The following TTLL11 variants were observed in gnomAD, a reference collection of about 807,000 sequenced individuals.
TTLL11 encodes the protein tubulin tyrosine ligase like 11, also known as tubulin polyglutamylase TTLL11.
Under a neutral mutation model 51.7 loss-of-function variants are expected in TTLL11, and 42 were observed. The observed-to-expected ratio is 0.81, with a 90% CI of 0.64 to 1.05. The LOEUF (loss-of-function observed/expected upper bound fraction) is 1.05. Among genes scored for constraint, TTLL11 ranks in the 50% least tolerant of loss-of-function variants. The probability of loss-of-function intolerance (pLI) is 0.00; values close to 1 mark genes in which losing one functional copy is unlikely to be tolerated. For missense variants in TTLL11, 799 were observed against 940.4 expected (o/e 0.85, Z 1.97); for synonymous variants, 381 against 383.5 (o/e 0.99, Z 0.08).
At chr9:121,936,669 G>A (rs1042093956) in intron 6 of TTLL11, among the ~76,000 whole-genome samples, 1 of 152,112 alleles carries the variant, frequency 6.6e-6, no homozygotes, top group Non-Finnish European at 1.5e-5. Flanking sequence ...TAGAAACTTG[G>A]AATACAAAGA....
intron 6 of TTLL11, among the ~76,000 whole-genome samples, chr9:121,953,310 C>T (rs1023983933): frequency 2.0e-5 from 3 of 152,104 alleles, no homozygotes; most frequent in Non-Finnish European, 4.4e-5. Flanking sequence ...TAAGGTGGGT[C>T]AAATGCCAAT....
In TTLL11 at chr9:122,008,637, T is replaced by G. The variant is rs375505070; in HGVS notation, c.694-18867A>C. 4.4e-4 allele frequency among the ~76,000 whole-genome samples: 67 copies of G among 152,314 alleles called. No homozygotes were observed. The South Asian group carries it at 8.1e-3, about 18-fold the overall frequency. Reference sequence around the variant, plus strand: ...GGAAGGTAAATTAGTATGGCCATTATGGAAAACAAAAAAACTAAAAATAGA... The same window carrying G: ...GGAAGGTAAATTAGTATGGCCATTAGGGAAAACAAAAAAACTAAAAATAGA... On this transcript the variant is annotated intron_variant, in intron 3 of 8. Transcript: ENST00000321582.
Position 121,989,667 on chromosome 9 carries a change from C to T in TTLL11, c.797G>A (p.Ser266Asn), listed in dbSNP as rs1399029703. Residue 266 changes from serine (S) to asparagine (N), a missense_variant, in exon 4 of 9, where the codon AGT (serine) becomes AAT (asparagine). Coordinates refer to ENST00000321582, the MANE Select transcript of TTLL11 (RefSeq NM_001139442.2). This position sits in a 1 kb window ranked among gnomAD's most constrained non-coding sequence, Gnocchi z 4.2. ...GAGGGTCCCTGCCAGGCGGATGTCA[C>T]TGGGGTCTTTAATGAGGTAGATTCC... ...GDGIYLIKDP[S>N]DIRLAGTLQS... 4 of 1,614,032 alleles carry T rather than the reference C, an allele frequency of 2.5e-6. No homozygotes were observed. In the African/African-American group the frequency reaches 4.0e-5, roughly 16 times the overall value.
intron 1 of TTLL11, among the ~76,000 whole-genome samples, chr9:122,041,867 C>A (rs1003372918): frequency 4.6e-5 from 7 of 151,124 alleles, no homozygotes; most frequent in Non-Finnish European, 1.0e-4. Context: ...TCTACAGATG[C>A]AATGCAGTCT....
chr9:121,861,339 A>G (rs377236006), intron 7 of TTLL11, among the ~76,000 whole-genome samples: 297 of 152,220 alleles, frequency 2.0e-3, no homozygotes, highest in African/African-American at 6.9e-3. Context: ...GGCCTCCCCA[A>G]GTGCTGGGAT....
chr9:121,940,011 A>G (rs1841385811), intron 6 of TTLL11, among the ~76,000 whole-genome samples: 1 of 152,138 alleles, frequency 6.6e-6, no homozygotes, highest in South Asian at 2.1e-4. Context: ...CTGCCGAGAA[A>G]GGACAAATGT....
intron 8 of TTLL11, among the ~76,000 whole-genome samples, chr9:121,824,580 T>G (rs1836691855): frequency 6.6e-6 from 1 of 151,386 alleles, no homozygotes; most frequent in South Asian, 2.1e-4. Flanking sequence ...AAATTCAAAC[T>G]GACTCCCATG....
intron 3 of TTLL11, among the ~76,000 whole-genome samples, chr9:122,000,355 C>T (rs576239531): frequency 5.7e-4 from 86 of 151,744 alleles, no homozygotes; most frequent in Non-Finnish European, 1.0e-3. Context: ...ACCTGTAGTC[C>T]CAGCTACTCT....
At chr9:122,034,959 G>A (rs1844661371) in intron 2 of TTLL11, among the ~76,000 whole-genome samples, 1 of 152,192 alleles carries the variant, frequency 6.6e-6, no homozygotes, top group African/African-American at 2.4e-5. Flanking sequence ...TCTGCTAAAA[G>A]TCTGACCTAG....
At chr9:121,986,090 G>A (rs1001847106) in intron 4 of TTLL11, among the ~76,000 whole-genome samples, 1 of 152,156 alleles carries the variant, frequency 6.6e-6, no homozygotes, top group African/African-American at 2.4e-5. Flanking sequence ...CTCTGGCCCA[G>A]GCCTGGAAGC....
intron 6 of TTLL11, among the ~76,000 whole-genome samples, chr9:121,913,008 T>C (rs986205391): frequency 1.3e-5 from 2 of 152,170 alleles, no homozygotes; most frequent in Non-Finnish European, 2.9e-5. Flanking sequence ...GCCTTCAAGG[T>C]AGTTCCTCCT....
At chr9:122,001,415 C>T (rs1422273253) in intron 3 of TTLL11, among the ~76,000 whole-genome samples, 2 of 150,984 alleles carry the variant, frequency 1.3e-5, no homozygotes, top group Non-Finnish European at 2.9e-5. Flanking sequence ...CAACACTGTT[C>T]TTAATAATGT....
intron 6 of TTLL11, among the ~76,000 whole-genome samples, chr9:121,882,845 A>G (rs1838849702): frequency 6.6e-6 from 1 of 152,164 alleles, no homozygotes; most frequent in Non-Finnish European, 1.5e-5. Context: ...AGTACTTTAT[A>G]GTGGAATTTA....
chr9:121,935,397 C>T (rs527944026), intron 6 of TTLL11, among the ~76,000 whole-genome samples: 52 of 152,272 alleles, frequency 3.4e-4, no homozygotes, highest in African/African-American at 1.1e-3. Flanking sequence ...CCATAGATAT[C>T]CTGACAAGAT....
chr9:121,826,535 G>GTATATATATATA (rs1564260522), intron 8 of TTLL11, among the ~76,000 whole-genome samples: 2 of 35,540 alleles, frequency 5.6e-5, no homozygotes, highest in African/African-American at 1.6e-4. Flanking sequence ...ATATGTGTGT[G>GTATATATATATA]TGTATATATA....
At chr9:121,945,619 AT>A (rs1426902864) in intron 6 of TTLL11, among the ~76,000 whole-genome samples, 1 of 152,176 alleles carries the variant, frequency 6.6e-6, no homozygotes, top group East Asian at 1.9e-4. Context: ...TTCCAAATTC[AT>A]TCCCTCTGCT....
rs570679431 is a variant in TTLL11 at position 121,884,460 on chromosome 9, G to A, written c.1482-13712C>T. Among the ~76,000 whole-genome samples the A allele has an allele frequency of 1.3e-3, 192 of 152,230 alleles. 2 individuals are homozygous for A. The highest frequency in any genetic ancestry group is 4.5e-3 in the African/African-American group (187 of 41,528). On this transcript the variant is annotated intron_variant, in intron 6 of 8. Transcript: ENST00000321582. ...ATGGCAACATCCACTGACCTACCCC[G>A]TCCTGCCAAACACACACGCGGGAGA...
intron 6 of TTLL11, among the ~76,000 whole-genome samples, chr9:121,923,982 G>A (rs1192294416): frequency 1.3e-5 from 2 of 152,090 alleles, no homozygotes; most frequent in Non-Finnish European, 2.9e-5. Context: ...ACTTATTAAG[G>A]GGAAAACCCT....
chr9:121,990,784 G>A (rs774569772), intron 3 of TTLL11, among the ~76,000 whole-genome samples: 3 of 152,114 alleles, frequency 2.0e-5, no homozygotes, highest in African/African-American at 2.4e-5. Context: ...ACAAGATCCC[G>A]TCGTCCACAG....
Sources: allele counts gnomAD v4.1 joint callset (sites outside exome capture counted in the v4.1 genomes callset), GRCh38; gene constraint gnomAD v4.1.1; non-coding constraint Gnocchi (gnomAD v3.1); transcripts MANE v1.5; gene names NCBI Gene and HGNC (gene_info 2026-07-23, HGNC 2026-07-21).